SPAG16: variants seen among roughly 807,000 people sequenced by gnomAD.
The protein encoded by SPAG16 is sperm associated antigen 16.
Under a neutral mutation model 80.4 loss-of-function variants are expected in SPAG16, and 86 were observed. The ratio of observed to expected loss-of-function variants is 1.07; its 90% CI spans 0.90 to 1.28. The LOEUF is 1.28. Among genes scored for constraint, SPAG16 ranks in the 50% most tolerant of loss-of-function variants. The probability of loss-of-function intolerance (pLI) is 0.00; values close to 1 mark genes in which losing one functional copy is unlikely to be tolerated. For missense variants in SPAG16, 870 were observed against 765.3 expected (o/e 1.14, Z -1.61); for synonymous variants, 294 against 265.9 (o/e 1.11, Z -1.03).
chr2:213,801,543 A>G (rs1490060550), intron 10 of SPAG16, among the ~76,000 whole-genome samples: 3 of 152,214 alleles, frequency 2.0e-5, no homozygotes, highest in African/African-American at 7.2e-5. Flanking sequence ...AGATCTTTAC[A>G]CACTGTCCAA....
At chr2:214,182,363 G>A (rs1048941714) in intron 15 of SPAG16, among the ~76,000 whole-genome samples, 7 of 151,586 alleles carry the variant, frequency 4.6e-5, no homozygotes, top group South Asian at 2.1e-4. Context: ...CTTAAATACC[G>A]TCTATGCCTT....
At position 213,310,094 on chromosome 2, in the gene SPAG16, A is replaced by T. The variant is rs777306881; in HGVS notation, c.315A>T (p.Val105=). 1.9e-6 allele frequency: 3 copies of T among 1,611,548 alleles called. No individual in the cohort carries two copies. The highest frequency in any genetic ancestry group is 2.2e-5 in the South Asian group (2 of 90,824). ...RKTVLPSKHA[V]PEVIEDFLCN... is the part of the protein sequence containing the mutation. ...CAGTTCTTCCTTCAAAGCATGCAGT[A>T]CCTGAAGTAATAGAAGACTTTCTCT... is the stretch of plus-strand genomic sequence containing the variant. Residue 105 remains valine (V), a synonymous_variant, in exon 4 of 16, where the codon GTA becomes GTT. Transcript: ENST00000331683.
At chr2:214,281,665 C>T (rs1692949422) in intron 15 of SPAG16, among the ~76,000 whole-genome samples, 1 of 152,124 alleles carries the variant, frequency 6.6e-6, no homozygotes, top group Non-Finnish European at 1.5e-5. Flanking sequence ...TAATATATAC[C>T]TACCTATCAT....
intron 15 of SPAG16, among the ~76,000 whole-genome samples, chr2:214,314,912 T>C (rs139421818): frequency 1.5e-3 from 235 of 152,058 alleles, no homozygotes; most frequent in African/African-American, 5.4e-3. Context: ...GCTACTGCAT[T>C]CAGCCTGATG....
At chr2:213,491,603 T>A (rs2074237698) in intron 10 of SPAG16, among the ~76,000 whole-genome samples, 1 of 152,214 alleles carries the variant, frequency 6.6e-6, no homozygotes, top group African/African-American at 2.4e-5. Flanking sequence ...TAGAGAGCTC[T>A]GAGCAGTTGG....
At chr2:213,906,902 A>C (rs1269363647) in intron 11 of SPAG16, among the ~76,000 whole-genome samples, 1 of 152,208 alleles carries the variant, frequency 6.6e-6, no homozygotes, top group African/African-American at 2.4e-5. Flanking sequence ...TAAATCTATA[A>C]AACTACTAGA....
chr2:213,327,246 A>G (rs545819238), intron 5 of SPAG16, among the ~76,000 whole-genome samples: 13 of 152,032 alleles, frequency 8.6e-5, no homozygotes, highest in African/African-American at 2.9e-4. Context: ...GCTTATATGA[A>G]TATTTTAAAC....
Position 213,388,939 on chromosome 2 carries a change from T to G in SPAG16, c.942+13820T>G, listed in dbSNP as rs530562610. Among the ~76,000 whole-genome samples the G allele has an allele frequency of 2.0e-5, 3 of 152,276 alleles. No homozygotes were observed. The East Asian group carries it at 5.8e-4, about 29-fold the overall frequency. On this transcript the variant is annotated intron_variant, in intron 9 of 15. Coordinates refer to ENST00000331683, the MANE Select transcript of SPAG16 (RefSeq NM_024532.5). ...AACCCATCCTAAGTTTCGTATAGTC[T>G]CAAGGGACACTGATTAGCCCAAACA...
At chr2:213,873,500 T>C (rs1384420022) in intron 11 of SPAG16, among the ~76,000 whole-genome samples, 1 of 151,870 alleles carries the variant, frequency 6.6e-6, no homozygotes, top group Non-Finnish European at 1.5e-5. Flanking sequence ...TTTATTTATT[T>C]ACATTCAATA....
At chr2:214,360,970 G>T (rs531083947) in intron 15 of SPAG16, among the ~76,000 whole-genome samples, 2 of 151,814 alleles carry the variant, frequency 1.3e-5, no homozygotes, top group Non-Finnish European at 2.9e-5. Flanking sequence ...CACAGCCTGG[G>T]ACAAGGTTCA....
At chr2:213,842,368 G>A (rs918076362) in intron 10 of SPAG16, among the ~76,000 whole-genome samples, 13 of 151,820 alleles carry the variant, frequency 8.6e-5, no homozygotes, top group African/African-American at 4.8e-5. Flanking sequence ...TTATTTTCAC[G>A]GTTTTAACAG....
rs980177819 is a variant in SPAG16 at position 213,350,594 on chromosome 2, A to G, written c.711A>G (p.Leu237=). ...IRVLHEKHHT[L]LKEKMLTSLE... ...TGTTACATGAGAAACACCACACTTT[A>G]CTGAAGGAGAAAATGCTGACCTCCT... Residue 237 remains leucine (L), a synonymous_variant, in exon 7 of 16, where the codon TTA becomes TTG. Coordinates refer to ENST00000331683, the MANE Select transcript of SPAG16 (RefSeq NM_024532.5). 6.2e-7 allele frequency: 1 copy of G among 1,605,528 alleles called. No individual in the cohort carries two copies. Among genetic ancestry groups the G allele is most frequent in the Non-Finnish European group, 8.5e-7 (1 of 1,177,416 alleles).
intron 15 of SPAG16, among the ~76,000 whole-genome samples, chr2:214,245,762 A>G (rs572505466): frequency 4.6e-5 from 7 of 152,266 alleles, no homozygotes; most frequent in Admixed American, 1.3e-4. Flanking sequence ...CAAATTAGGT[A>G]TTCCTGTCAA....
chr2:214,197,781 T>C (rs2057887243), intron 15 of SPAG16, among the ~76,000 whole-genome samples: 1 of 151,934 alleles, frequency 6.6e-6, no homozygotes, highest in Admixed American at 6.6e-5. Context: ...TACATTATAA[T>C]CACCTGTGTT....
intron 10 of SPAG16, among the ~76,000 whole-genome samples, chr2:213,575,245 G>A (rs1394573259): frequency 1.3e-5 from 2 of 152,092 alleles, no homozygotes; most frequent in African/African-American, 4.8e-5. Context: ...AGAGTTGAAT[G>A]CATTAGTTTA....
chr2:214,258,798 C>T (rs1690910290), intron 15 of SPAG16, among the ~76,000 whole-genome samples: 1 of 151,628 alleles, frequency 6.6e-6, no homozygotes, highest in Admixed American at 6.6e-5. Context: ...TTTTCTTTTC[C>T]TTCAGTTAGT....
chr2:213,756,153 A>G (rs2068317374), intron 10 of SPAG16, among the ~76,000 whole-genome samples: 1 of 152,202 alleles, frequency 6.6e-6, no homozygotes, highest in East Asian at 1.9e-4. Context: ...AAACATAAGT[A>G]ATTTTAGCAA....
At chr2:213,902,776 T>C (rs10199200) in intron 11 of SPAG16, among the ~76,000 whole-genome samples, 88,947 of 152,060 alleles carry the variant, frequency 0.58, 27,838 homozygotes, top group South Asian at 0.84. Flanking sequence ...CAAAGTCTCA[T>C]CTGAGACAAG....
intron 13 of SPAG16, among the ~76,000 whole-genome samples, chr2:214,037,646 T>G (rs533168622): frequency 1.1e-4 from 16 of 152,114 alleles, no homozygotes; most frequent in Non-Finnish European, 2.4e-4. Flanking sequence ...TTTCTATCTG[T>G]GTCTTTTTGA....
Sources: gnomAD v4.1 joint callset for allele counts (sites outside exome capture counted in the v4.1 genomes callset) on GRCh38, gnomAD v4.1.1 for gene constraint, MANE v1.5 for transcripts, NCBI Gene and HGNC (gene_info 2026-07-23, HGNC 2026-07-21) for gene names.